The following TMTC2 variants were observed in gnomAD, a reference collection of about 807,000 sequenced individuals.
The protein encoded by TMTC2 is protein O-mannosyl-transferase TMTC2.
Under a neutral mutation model 82.4 loss-of-function variants are expected in TMTC2, and 43 were observed. The observed-to-expected ratio is 0.52, with a 90% CI of 0.41 to 0.67. The LOEUF (loss-of-function observed/expected upper bound fraction) is 0.67. Among genes scored for constraint, TMTC2 ranks in the 30% least tolerant of loss-of-function variants. TMTC2 has a pLI of 0.00. For missense variants in TMTC2, 919 were observed against 1,012.4 expected, an observed-to-expected ratio of 0.91 and a Z score of 1.25; for synonymous variants, 408 against 381.9, an observed-to-expected ratio of 1.07 and a Z score of -0.80.
intron 1 of TMTC2, among the ~76,000 whole-genome samples, chr12:82,815,118 T>C (rs1472700223): frequency 6.6e-6 from 1 of 151,674 alleles, no homozygotes; most frequent in African/African-American, 2.4e-5. Context: ...GGACTTTGTG[T>C]ACAGTTTTCA....
intron 9 of TMTC2, among the ~76,000 whole-genome samples, chr12:83,047,182 C>T (rs1313256831): frequency 2.6e-5 from 4 of 152,058 alleles, no homozygotes; most frequent in African/African-American, 9.7e-5. Flanking sequence ...TTTGAAGGGG[C>T]TAGTGTCTGG....
chr12:83,030,833 G>A lies in TMTC2; in HGVS notation c.2106G>A (p.Lys702=), dbSNP rs1197019000. Residue 702 remains lysine, a synonymous_variant, in exon 9 of 12, where the codon AAG becomes AAA. Transcript: ENST00000321196. ...RKSEAEKLFL[K]AIELDPTKGN... ...GTGAGGCTGAAAAGCTCTTCTTGAA[G>A]GCTATTGAGCTGGATCCCACCAAAG... 4 of 1,613,646 alleles carry A rather than the reference G, an allele frequency of 2.5e-6. No individual in the cohort carries two copies. The highest frequency in any genetic ancestry group is 1.7e-5 in the Admixed American group (1 of 59,986).
chr12:82,708,082 A>G (rs1206782518), intron 1 of TMTC2, among the ~76,000 whole-genome samples: 1 of 152,100 alleles, frequency 6.6e-6, no homozygotes, highest in Admixed American at 6.5e-5. Context: ...CCATTCATTT[A>G]TGTGTTGTCT....
chr12:82,925,354 TA>T (rs1875640613), intron 3 of TMTC2, among the ~76,000 whole-genome samples: 1 of 152,196 alleles, frequency 6.6e-6, no homozygotes, highest in South Asian at 2.1e-4. Flanking sequence ...CCTGGCACAA[TA>T]GGTGCTTAAC....
In TMTC2 at chr12:83,061,793, G is replaced by A; in HGVS notation, c.2293G>A (p.Glu765Lys). 6.3e-7 allele frequency: 1 copy of A among 1,597,168 alleles called. No homozygotes were observed. Among genetic ancestry groups the A allele is most frequent in the South Asian group, 1.2e-5 (1 of 86,386 alleles). ...ACAGGCTAGCCTCAATGAAGCAGCTGAGAAGTATTATGATCTGGCAGCCAG... is the reference window on the plus strand; with the variant it reads ...ACAGGCTAGCCTCAATGAAGCAGCTAAGAAGTATTATGATCTGGCAGCCAG... ...LRQASLNEAA[E>K]KYYDLAARLR... The change falls in exon 11 of 12, where the codon GAG (glutamate) becomes AAG (lysine). Residue 765 changes from glutamate (E) to lysine (K), a missense_variant. Coordinates refer to ENST00000321196, the MANE Select transcript of TMTC2 (RefSeq NM_152588.3).
At position 82,699,917 on chromosome 12, in the gene TMTC2, A is replaced by C. The variant is rs1010708173; in HGVS notation, c.83+12248A>C. Among the ~76,000 whole-genome samples, 15 of 152,312 alleles carry C rather than the reference A, an allele frequency of 9.8e-5. No homozygotes were observed. The East Asian group carries it at 2.9e-3, about 29-fold the overall frequency. ...AACAAAGATTGTGTCTGTACTGAAC[A>C]TGTACAGATTTTTTATTGTCATAAT... is the stretch of plus-strand genomic sequence containing the variant. On this transcript the variant is annotated intron_variant, in intron 1 of 11. Coordinates refer to ENST00000321196, the MANE Select transcript of TMTC2 (RefSeq NM_152588.3).
chr12:82,705,629 T>A (rs1197727067), intron 1 of TMTC2, among the ~76,000 whole-genome samples: 4 of 152,254 alleles, frequency 2.6e-5, no homozygotes, highest in African/African-American at 9.6e-5. Context: ...TCAGCTCAAA[T>A]AGGCATTGGC....
chr12:82,746,379 C>T (rs1466034230), intron 1 of TMTC2, among the ~76,000 whole-genome samples: 1 of 152,022 alleles, frequency 6.6e-6, no homozygotes, highest in African/African-American at 2.4e-5. Flanking sequence ...TGGCACTGTG[C>T]ATGTTTTTGT....
At chr12:82,804,491 T>C (rs1028314184) in intron 1 of TMTC2, among the ~76,000 whole-genome samples, 4 of 152,168 alleles carry the variant, frequency 2.6e-5, no homozygotes, top group African/African-American at 9.7e-5. Flanking sequence ...CTCCTGGACT[T>C]TTTAAAGCAA....
At chr12:82,808,685 ATTC>A (rs1256973827) in intron 1 of TMTC2, among the ~76,000 whole-genome samples, 3 of 152,096 alleles carry the variant, frequency 2.0e-5, no homozygotes, top group African/African-American at 2.4e-5. Flanking sequence ...CTATTCCAGT[ATTC>A]TTCTCCTGCC....
chr12:82,754,900 A>G (rs1445947161), intron 1 of TMTC2, among the ~76,000 whole-genome samples: 1 of 152,250 alleles, frequency 6.6e-6, no homozygotes, highest in Non-Finnish European at 1.5e-5. Context: ...CTCCTTGTGA[A>G]CAGAAATGTT....
intron 1 of TMTC2, among the ~76,000 whole-genome samples, chr12:82,853,292 G>A (rs1398746817): frequency 6.6e-6 from 1 of 151,956 alleles, no homozygotes; most frequent in Non-Finnish European, 1.5e-5. Flanking sequence ...TAGTAGAGAT[G>A]GGGTTTCACC....
intron 4 of TMTC2, among the ~76,000 whole-genome samples, chr12:82,955,658 G>C (rs1877575451): frequency 6.6e-6 from 1 of 152,066 alleles, no homozygotes; most frequent in Non-Finnish European, 1.5e-5. Flanking sequence ...TGATTTTCTA[G>C]AATTTAGGTC....
chr12:82,875,465 C>T (rs1313333037), intron 2 of TMTC2, among the ~76,000 whole-genome samples: 5 of 152,084 alleles, frequency 3.3e-5, no homozygotes, highest in Non-Finnish European at 5.9e-5. Context: ...GACCTTTACT[C>T]ATTTTTCCTA....
chr12:82,812,726 C>G (rs933072066), intron 1 of TMTC2, among the ~76,000 whole-genome samples: 1 of 151,878 alleles, frequency 6.6e-6, no homozygotes, highest in African/African-American at 2.4e-5. Context: ...GTTTCTCTCC[C>G]TCTTCCATTT....
At chr12:83,027,600 A>G (rs1360523232) in intron 8 of TMTC2, among the ~76,000 whole-genome samples, 1 of 152,206 alleles carries the variant, frequency 6.6e-6, no homozygotes, top group African/African-American at 2.4e-5. Context: ...GTGACGGCTT[A>G]CTGTACTCTC....
intron 8 of TMTC2, among the ~76,000 whole-genome samples, chr12:83,017,185 C>T (rs933315591): frequency 6.6e-6 from 1 of 152,110 alleles, no homozygotes; most frequent in Non-Finnish European, 1.5e-5. Flanking sequence ...TAAGACCTCA[C>T]TGATGTTGCT....
chr12:83,003,013 G>T (rs1170259115), intron 8 of TMTC2, among the ~76,000 whole-genome samples: 1 of 151,892 alleles, frequency 6.6e-6, no homozygotes, highest in East Asian at 1.9e-4. Context: ...CTGTCAGTGG[G>T]GAGTTAAAGC....
intron 1 of TMTC2, among the ~76,000 whole-genome samples, chr12:82,766,720 T>C (rs1278374600): frequency 2.0e-5 from 3 of 152,232 alleles, no homozygotes; most frequent in Admixed American, 1.3e-4. Context: ...CCCACTTACA[T>C]TGTAGGCAAT....
Sources: allele counts gnomAD v4.1 joint callset (sites outside exome capture counted in the v4.1 genomes callset), GRCh38; gene constraint gnomAD v4.1.1; transcripts MANE v1.5; gene names NCBI Gene and HGNC (gene_info 2026-07-23, HGNC 2026-07-21).